The following STAT6 variants were observed in gnomAD, a reference collection of about 807,000 sequenced individuals.
STAT6 encodes signal transducer and activator of transcription 6, also known as STAT, interleukin4-induced.
A neutral mutation model predicts 106.3 loss-of-function variants in STAT6; 45 were observed. That is an observed-to-expected ratio of 0.42 (90% CI 0.33 to 0.54). The LOEUF is 0.54. STAT6 is among the 20% of genes least tolerant of loss of function. The pLI is 0.06. For missense variants in STAT6, 797 were observed against 1,062.2 expected (o/e 0.75, Z 3.47); for synonymous variants, 413 against 413.6 (o/e 1.00, Z 0.02).
At chr12:57,100,196 G>A (rs2033733940) in intron 13 of STAT6, 106 bp from the exon 14 acceptor site, 1 of 964,666 alleles carries the variant, frequency 1.0e-6, no homozygotes, top group Admixed American at 2.0e-5. Context: ...TCACAGGGCT[G>A]AGGATCAGAC....
At position 57,097,236 on chromosome 12, in the gene STAT6, C is replaced by T. The variant is rs1308316842; in HGVS notation, c.2160-103G>A. 6 of 950,060 alleles carry T rather than the reference C, an allele frequency of 6.3e-6. No individual in the cohort carries two copies. In the African/African-American group the frequency reaches 8.3e-5, roughly 13 times the overall value. 58.9% of individuals were successfully genotyped at this position (950,060 alleles called of 1,614,324 possible). On this transcript the variant is annotated intron_variant, in intron 19 of 21. Transcript: ENST00000300134. ...GAGGAAACAAGCTCCAGCTCCTTAT[C>T]CTGACTTAGTCATGGCCTGGGCAAG... is the stretch of plus-strand genomic sequence containing the variant.
At chr12:57,106,491 T>A (rs746198683) in intron 6 of STAT6, 37 bp downstream of exon 6, 3 of 1,612,916 alleles carry the variant, frequency 1.9e-6, no homozygotes, top group Non-Finnish European at 2.5e-6. Flanking sequence ...CCAGCTGCAC[T>A]TTGACCAAGG....
chr12:57,107,870 G>T, intron 2 of STAT6, 127 bp from the exon 3 acceptor site: 2 of 1,340,890 alleles, frequency 1.5e-6, no homozygotes, highest in Non-Finnish European at 2.0e-6. Context: ...GCCCTCTGTA[G>T]CTTTCACCCA....
chr12:57,105,381 C>T, intron 8 of STAT6, 42 bp from the exon 9 acceptor site: 1 of 1,609,372 alleles, frequency 6.2e-7, no homozygotes, highest in African/African-American at 1.3e-5. Flanking sequence ...GGGCTAGGTC[C>T]CTGCTGGTGC....
chr12:57,102,502 G>T lies in STAT6; in HGVS notation c.1306-6C>A. ...ACCACAAAGGGCACGCGGTCCTGGGGAGAAGGGGGAAGAAGAGAGCACTGC... is the reference window on the plus strand; with the variant it reads ...ACCACAAAGGGCACGCGGTCCTGGGTAGAAGGGGGAAGAAGAGAGCACTGC... On this transcript the variant is annotated splice_polypyrimidine_tract_variant and splice_region_variant and intron_variant, in intron 12 of 21. Coordinates refer to ENST00000300134, the MANE Select transcript of STAT6 (RefSeq NM_003153.5). The T allele has an allele frequency of 6.2e-7, 1 of 1,612,966 alleles. No individual in the cohort carries two copies. The highest frequency in any genetic ancestry group is 1.3e-5 in the African/African-American group (1 of 74,984).
rs751981673 is a variant in STAT6 at position 57,098,906 on chromosome 12, G to A, written c.1956-4C>T. On this transcript the variant is annotated splice_region_variant and splice_polypyrimidine_tract_variant and intron_variant, in intron 17 of 21. Coordinates refer to ENST00000300134, the MANE Select transcript of STAT6 (RefSeq NM_003153.5). Reference sequence around the variant, plus strand: ...TGGGGTAGGAAGTGGTTGGTCCCTGGAGGAGGGAAGGAGGTACATGTGACT... The same window carrying A: ...TGGGGTAGGAAGTGGTTGGTCCCTGAAGGAGGGAAGGAGGTACATGTGACT... The A allele has an allele frequency of 6.2e-7, 1 of 1,613,744 alleles. No homozygotes were observed. Among genetic ancestry groups the A allele is most frequent in the Admixed American group, 1.7e-5 (1 of 59,996 alleles).
Position 57,096,216 on chromosome 12 carries a change from G to A in STAT6, c.*356C>T, listed in dbSNP as rs1301746310. The A allele has an allele frequency of 1.3e-5, 3 of 230,798 alleles. No individual in the cohort carries two copies. Among genetic ancestry groups the A allele is most frequent in the Non-Finnish European group, 2.5e-5 (3 of 119,300 alleles). The allele number at this position is 230,798 out of a possible 1,614,324, so 14.3% of individuals were successfully genotyped here. ...AGAAGCCTTCCATGCCCTAACCTGTGCTCTTACCCAGCCCCCCTCCTGCTC... is the reference window on the plus strand; with the variant it reads ...AGAAGCCTTCCATGCCCTAACCTGTACTCTTACCCAGCCCCCCTCCTGCTC... On this transcript the variant is annotated 3_prime_UTR_variant, in exon 22 of 22. Transcript: ENST00000300134.
intron 18 of STAT6, 24 bp from the exon 19 acceptor site, chr12:57,098,621 T>A: frequency 6.2e-7 from 1 of 1,608,442 alleles, no homozygotes; most frequent in South Asian, 1.1e-5. Flanking sequence ...ACAGACCCCC[T>A]GATGCCAGCC....
At position 57,099,183 on chromosome 12, in the gene STAT6, A is replaced by G. The variant is rs1592548049; in HGVS notation, c.1892-105T>C. On this transcript the variant is annotated intron_variant, in intron 16 of 21. Coordinates refer to ENST00000300134, the MANE Select transcript of STAT6 (RefSeq NM_003153.5). This position sits in a 1 kb window ranked among gnomAD's most constrained non-coding sequence, Gnocchi z 4.7. ...ATGGGGAAGTAAGAGAAGCACAGCT[A>G]TGAAATAGGGAGTGACATCAGGATG... 1.1e-5 allele frequency: 17 copies of G among 1,595,732 alleles called. No individual in the cohort carries two copies. The highest frequency in any genetic ancestry group is 3.3e-5 in the South Asian group (3 of 90,580).
chr12:57,096,895 T>C lies in STAT6; in HGVS notation c.2309A>G (p.Asp770Gly). The C allele has an allele frequency of 1.9e-6, 3 of 1,614,194 alleles. No homozygotes were observed. Among genetic ancestry groups the C allele is most frequent in the Non-Finnish European group, 2.5e-6 (3 of 1,180,038 alleles). ...LLCSDVTMVE[D>G]SCLSQPVTAF... The stretch of plus-strand genomic sequence containing the variant: ...TGTCACTGGCTGGCTCAGGCAGCTG[T>C]CTTCCACCATGGTCACATCTGAGCA... Residue 770 changes from aspartate (D) to glycine (G), a missense_variant, in exon 21 of 22, where the codon GAC (aspartate) becomes GGC (glycine). Physicochemically the swap from Asp to Gly is moderately conservative, Grantham distance 94. Coordinates refer to ENST00000300134, the MANE Select transcript of STAT6 (RefSeq NM_003153.5).
Position 57,096,403 on chromosome 12 carries a change from C to T in STAT6, c.*169G>A. 3 of 656,156 alleles carry T rather than the reference C, an allele frequency of 4.6e-6. No homozygotes were observed. The highest frequency in any genetic ancestry group is 2.7e-5 in the Admixed American group (1 of 37,028). 40.6% of individuals were successfully genotyped at this position (656,156 alleles called of 1,614,324 possible). A position where few individuals can be genotyped will look rare whatever the true frequency, so the allele number is the denominator to read the frequency against. On this transcript the variant is annotated 3_prime_UTR_variant, in exon 22 of 22. Coordinates refer to ENST00000300134, the MANE Select transcript of STAT6 (RefSeq NM_003153.5). ...ATAGAAAGGAAGGAGTGGATTGGCTCCACCCACTGTGCATTCTCCTGTTAG... is the reference window on the plus strand; with the variant it reads ...ATAGAAAGGAAGGAGTGGATTGGCTTCACCCACTGTGCATTCTCCTGTTAG...
In STAT6 at chr12:57,098,576, G is replaced by A. The variant is rs758891439; in HGVS notation, c.2088C>T (p.His696=). 8 of 1,613,964 alleles carry A rather than the reference G, an allele frequency of 5.0e-6. No homozygotes were observed. In the East Asian group the frequency reaches 1.3e-4, roughly 27 times the overall value. Residue 696 remains histidine (H), a synonymous_variant, in exon 19 of 22, where the codon CAC becomes CAT. Coordinates refer to ENST00000300134, the MANE Select transcript of STAT6 (RefSeq NM_003153.5). ...PDMVPQVYPP[H]SHSIPPYQGL... is the part of the protein sequence containing the mutation. ...CTTGATACGGGGGGATGGAGTGAGA[G>A]TGTGGTGGGTACACCTGGGGCCTGG...
chr12:57,096,693 T>G lies in STAT6; in HGVS notation c.2423A>C (p.Glu808Ala). The G allele has an allele frequency of 1.4e-5, 22 of 1,606,926 alleles. No individual in the cohort carries two copies. Among genetic ancestry groups the G allele is most frequent in the Non-Finnish European group, 1.8e-5 (21 of 1,177,704 alleles). The change falls in exon 22 of 22, where the codon GAG becomes GCG. Residue 808 changes from glutamate to alanine, a missense_variant. Coordinates refer to ENST00000300134, the MANE Select transcript of STAT6 (RefSeq NM_003153.5). ...TEQDLTKLLL[E>A]GQGESGGGSL... Reference sequence around the variant, plus strand: ...CCCTCCCCCCGACTCCCCTTGCCCCTCCAGGAGAAGCTTAGTGAGGTCCTG... The same window carrying G: ...CCCTCCCCCCGACTCCCCTTGCCCCGCCAGGAGAAGCTTAGTGAGGTCCTG...
Position 57,097,109 on chromosome 12 carries a change from G to A in STAT6, c.2184C>T (p.Ser728=). The change falls in exon 20 of 22, where the codon AGC becomes AGT. Residue 728 remains serine, a synonymous_variant. Transcript: ENST00000300134. ...FQEPHLQMPP[S]LGQMSLPFDQ... ...CAAAGGGCAGGCTCATCTGGCCCAG[G>A]CTGGGGGGCATCTGCAGGTGAGGCC... 1 of 1,519,124 alleles carries A rather than the reference G, an allele frequency of 6.6e-7. No homozygotes were observed. The highest frequency in any genetic ancestry group is 8.8e-7 in the Non-Finnish European group (1 of 1,134,308). 94.1% of individuals were successfully genotyped at this position (1,519,124 alleles called of 1,614,324 possible).
chr12:57,108,520 G>C (rs2034409762), intron 1 of STAT6, among the ~76,000 whole-genome samples: 1 of 151,796 alleles, frequency 6.6e-6, no homozygotes, highest in African/African-American at 2.4e-5. Flanking sequence ...GCTGTAGCCA[G>C]AGGGATGGGG....
rs1330197361 is a variant in STAT6 at position 57,105,152 on chromosome 12, C to T, written c.1000G>A (p.Ala334Thr). ...LSVPQGPGAG[A>T]ESTGEIINNT... ...ACCCCAGGTCCAATCCCAGCTTACG[C>T]TCCAGCCCCAGGACCCTGAGGCACA... The change falls in exon 9 of 22, where the codon GCA (alanine) becomes ACA (threonine). Residue 334 changes from alanine to threonine, a missense_variant and splice_region_variant. Ala to Thr is a moderately conservative substitution (Grantham distance 58). Transcript: ENST00000300134. 6.2e-7 allele frequency: 1 copy of T among 1,609,846 alleles called. No individual in the cohort carries two copies. The highest frequency in any genetic ancestry group is 2.2e-5 in the East Asian group (1 of 44,808).
At position 57,096,906 on chromosome 12, in the gene STAT6, G is replaced by C; in HGVS notation, c.2298C>G (p.Thr766=). ...GGCTCAGGCAGCTGTCTTCCACCAT[G>C]GTCACATCTGAGCAGAGCAGGGGGT... The part of the protein sequence containing the change: ...SPDPLLCSDV[T]MVEDSCLSQP... The change falls in exon 21 of 22, where the codon ACC becomes ACG. Residue 766 remains threonine (T), a synonymous_variant. Transcript: ENST00000300134. 6.2e-7 allele frequency: 1 copy of C among 1,614,162 alleles called. No homozygotes were observed. Among genetic ancestry groups the C allele is most frequent in the South Asian group, 1.1e-5 (1 of 91,090 alleles).
intron 11 of STAT6, 27 bp from the exon 12 acceptor site, chr12:57,102,948 T>TTTTC (rs752731469): frequency 2.9e-6 from 3 of 1,036,808 alleles, no homozygotes; most frequent in East Asian, 2.8e-5. Context: ...CAGGGGTTTC[T>TTTTC]TTTCTTTCTT....
Position 57,100,100 on chromosome 12 carries a change from GA to G in STAT6, c.1513-11del. ...GGCCCAGCAGGATCTCCTAGGGGGAGAGGGGGAAAGGTGTGAGCCGAGGGAG... is the reference window on the plus strand; with the variant it reads ...GGCCCAGCAGGATCTCCTAGGGGGAGGGGGGAAAGGTGTGAGCCGAGGGAG... On this transcript the variant is annotated splice_polypyrimidine_tract_variant and intron_variant, in intron 13 of 21. Transcript: ENST00000300134. The G allele has an allele frequency of 6.3e-6, 10 of 1,584,912 alleles. No individual in the cohort carries two copies. Among genetic ancestry groups the G allele is most frequent in the Non-Finnish European group, 8.6e-6 (10 of 1,165,702 alleles).
Sources: allele counts gnomAD v4.1 joint callset (sites outside exome capture counted in the v4.1 genomes callset), GRCh38; gene constraint gnomAD v4.1.1; non-coding constraint Gnocchi (gnomAD v3.1); transcripts MANE v1.5; gene names NCBI Gene and HGNC (gene_info 2026-07-23, HGNC 2026-07-21).